The following C3orf70 variants were observed in gnomAD, a reference collection of about 807,000 sequenced individuals.
The protein encoded by C3orf70 is UPF0524 protein C3orf70.
C3orf70 carries 15 observed loss-of-function variants against 20.7 expected under a neutral mutation model. That is an observed-to-expected ratio of 0.72 (90% CI 0.48 to 1.11). The LOEUF is 1.11. Among genes scored for constraint, C3orf70 ranks in the 50% most tolerant of loss-of-function variants. The pLI, the probability that C3orf70 is intolerant of heterozygous loss-of-function variation, is 0.00. For missense variants in C3orf70, 332 were observed against 317.6 expected (o/e 1.05, Z -0.34); for synonymous variants, 161 against 125.7 (o/e 1.28, Z -1.88).
chr3:185,142,769 CAT>C (rs1261475570), intron 1 of C3orf70, among the ~76,000 whole-genome samples: 1 of 152,198 alleles, frequency 6.6e-6, no homozygotes, highest in Non-Finnish European at 1.5e-5. Context: ...GAACAAGACA[CAT>C]GATGTGTTTT....
chr3:185,091,078 G>A (rs11919204), intron 1 of C3orf70, among the ~76,000 whole-genome samples: 3,664 of 152,184 alleles, frequency 0.024, 121 homozygotes, highest in African/African-American at 0.083. Context: ...GGGGAAATAA[G>A]ATGAAGTAGA....
chr3:185,114,055 C>T (rs1012562206), intron 1 of C3orf70, among the ~76,000 whole-genome samples: 31 of 152,114 alleles, frequency 2.0e-4, no homozygotes, highest in African/African-American at 7.0e-4. Flanking sequence ...CAAAATTAGC[C>T]GGCCATGGTG....
chr3:185,086,189 CTCTT>C (rs1577316941), intron 1 of C3orf70, among the ~76,000 whole-genome samples: 2 of 151,758 alleles, frequency 1.3e-5, no homozygotes, highest in Non-Finnish European at 2.9e-5. Context: ...CTCACTCCAT[CTCTT>C]TTTTTTTCCT....
chr3:185,152,809 G>C lies in C3orf70; in HGVS notation c.15C>G (p.Ala5=), dbSNP rs566208434. ...TCCAACCCCGCTCCGACGCCGGCGA[G>C]GCCGCCGCACTCATTTCCTCTCCCT... MSAA[A]SPASERGWKS... Residue 5 remains alanine (A), a synonymous_variant, in exon 1 of 2, where the codon GCC becomes GCG. Coordinates refer to ENST00000335012, the MANE Select transcript of C3orf70 (RefSeq NM_001025266.3). 3 of 1,563,500 alleles carry C rather than the reference G, an allele frequency of 1.9e-6. No individual in the cohort carries two copies. The highest frequency in any genetic ancestry group is 2.6e-6 in the Non-Finnish European group (3 of 1,153,254).
chr3:185,100,327 T>C (rs1715796906), intron 1 of C3orf70, among the ~76,000 whole-genome samples: 1 of 151,982 alleles, frequency 6.6e-6, no homozygotes, highest in African/African-American at 2.4e-5. Context: ...GCAAAATAAC[T>C]GAAATCAAAA....
chr3:185,117,049 G>A (rs1716189572), intron 1 of C3orf70, among the ~76,000 whole-genome samples: 1 of 152,096 alleles, frequency 6.6e-6, no homozygotes, highest in Non-Finnish European at 1.5e-5. Context: ...CCAAAGTGCT[G>A]GGATTACAGG....
intron 1 of C3orf70, among the ~76,000 whole-genome samples, chr3:185,101,191 G>T (rs1715815939): frequency 6.6e-6 from 1 of 152,158 alleles, no homozygotes; most frequent in South Asian, 2.1e-4. Context: ...TATGAGGCCA[G>T]CATCATCCTG....
In C3orf70 at chr3:185,078,567, G is replaced by C. The variant is rs962174490; in HGVS notation, c.*4440C>G. 6.6e-6 allele frequency: 1 copy of C among 152,192 alleles called. No individual in the cohort carries two copies. Among genetic ancestry groups the C allele is most frequent in the Non-Finnish European group, 1.5e-5 (1 of 68,028 alleles). 9.4% of individuals were successfully genotyped at this position (152,192 alleles called of 1,614,324 possible). ...ACTTACAGCACTGACCACGTGTGTG[G>C]AACTCCCACTGGCTTCCCCCTTCTT... On this transcript the variant is annotated 3_prime_UTR_variant, in exon 2 of 2. Coordinates refer to ENST00000335012, the MANE Select transcript of C3orf70 (RefSeq NM_001025266.3).
chr3:185,096,074 G>A (rs9859184), intron 1 of C3orf70, among the ~76,000 whole-genome samples: 6,672 of 152,072 alleles, frequency 0.044, 466 homozygotes, highest in African/African-American at 0.15. Context: ...ACACATTCAA[G>A]TATCAATGAG....
At chr3:185,131,901 A>G (rs1716530456) in intron 1 of C3orf70, among the ~76,000 whole-genome samples, 1 of 152,242 alleles carries the variant, frequency 6.6e-6, no homozygotes, top group Non-Finnish European at 1.5e-5. Flanking sequence ...GTGTAAGAGT[A>G]AATTACAAAT....
intron 1 of C3orf70, among the ~76,000 whole-genome samples, chr3:185,087,008 A>T (rs145504881): frequency 1.8e-4 from 28 of 152,288 alleles, no homozygotes; most frequent in African/African-American, 6.0e-4. Flanking sequence ...CTAGGCCGAG[A>T]ATCCATGTTC....
At chr3:185,096,545 G>A (rs1193928614) in intron 1 of C3orf70, among the ~76,000 whole-genome samples, 4 of 152,210 alleles carry the variant, frequency 2.6e-5, no homozygotes, top group East Asian at 1.9e-4. Flanking sequence ...ATGCTCTGCC[G>A]TAATGGACAG....
intron 1 of C3orf70, among the ~76,000 whole-genome samples, chr3:185,103,961 A>C (rs1338141420): frequency 1.3e-5 from 2 of 152,168 alleles, no homozygotes; most frequent in African/African-American, 2.4e-5. Flanking sequence ...AAACAAGAGA[A>C]AGGGTGCTTT....
chr3:185,093,916 C>T (rs1335044804), intron 1 of C3orf70, among the ~76,000 whole-genome samples: 3 of 151,884 alleles, frequency 2.0e-5, no homozygotes, highest in African/African-American at 7.3e-5. Context: ...GAGGACCACC[C>T]CACCCCAACA....
chr3:185,145,269 A>G (rs922140766), intron 1 of C3orf70, among the ~76,000 whole-genome samples: 1 of 152,254 alleles, frequency 6.6e-6, no homozygotes, highest in African/African-American at 2.4e-5. Flanking sequence ...AAGGCCCTCA[A>G]AAGCCATGTG....
At chr3:185,136,438 A>G (rs1410692447) in intron 1 of C3orf70, among the ~76,000 whole-genome samples, 1 of 152,148 alleles carries the variant, frequency 6.6e-6, no homozygotes, top group Non-Finnish European at 1.5e-5. Flanking sequence ...AAACACAAAA[A>G]TTAGGCCAGG....
At chr3:185,094,591 A>T (rs533343278) in intron 1 of C3orf70, among the ~76,000 whole-genome samples, 40 of 152,100 alleles carry the variant, frequency 2.6e-4, no homozygotes, top group African/African-American at 9.4e-4. Flanking sequence ...TTGAACCTAC[A>T]GACACGGCTA....
rs1476672711 is a variant in C3orf70, at chr3:185,079,615, T to G, written c.*3392A>C. The G allele has an allele frequency of 6.6e-6, 1 of 152,208 alleles. No individual in the cohort carries two copies. Among genetic ancestry groups the G allele is most frequent in the Non-Finnish European group, 1.5e-5 (1 of 68,030 alleles). The allele number at this position is 152,208 out of a possible 1,614,324, so 9.4% of individuals were successfully genotyped here. On this transcript the variant is annotated 3_prime_UTR_variant, in exon 2 of 2. Transcript: ENST00000335012. ...ATTTCTTGGAAAAGTTATAAGCATATTTGAAACTTGAAACTTCTAAAATCT... is the reference window on the plus strand; with the variant it reads ...ATTTCTTGGAAAAGTTATAAGCATAGTTGAAACTTGAAACTTCTAAAATCT...
intron 1 of C3orf70, among the ~76,000 whole-genome samples, chr3:185,116,797 G>C (rs1337647969): frequency 8.1e-6 from 1 of 123,920 alleles, no homozygotes; most frequent in Admixed American, 8.1e-5. Flanking sequence ...TTTTTTTTTT[G>C]AGACGGAGTC....
Sources: gnomAD v4.1 joint callset for allele counts (sites outside exome capture counted in the v4.1 genomes callset) on GRCh38, gnomAD v4.1.1 for gene constraint, MANE v1.5 for transcripts, NCBI Gene and HGNC (gene_info 2026-07-23, HGNC 2026-07-21) for gene names.